The following SLC36A2 variants were observed in gnomAD, a reference collection of about 807,000 sequenced individuals.
SLC36A2 encodes solute carrier family 36 member 2.
SLC36A2 carries 39 observed loss-of-function variants against 42.7 expected under a neutral mutation model. That is an observed-to-expected ratio of 0.91 (90% CI 0.71 to 1.19). The LOEUF (loss-of-function observed/expected upper bound fraction) is 1.19. SLC36A2 is among the 50% of genes most tolerant of loss of function. The probability of loss-of-function intolerance (pLI) is 0.00; values close to 1 mark genes in which losing one functional copy is unlikely to be tolerated. For synonymous variants in SLC36A2, 237 were observed against 240.8 expected (o/e 0.98, Z 0.15); for missense variants, 590 against 613.7 (o/e 0.96, Z 0.41).
intron 5 of SLC36A2, among the ~76,000 whole-genome samples, chr5:151,337,390 CGTT>C (rs1261050082): frequency 1.3e-5 from 2 of 152,176 alleles, no homozygotes; most frequent in African/African-American, 4.8e-5. Context: ...CCTGACCTCA[CGTT>C]GTTGTTGTTA....
chr5:151,324,302 C>G (rs566887861), intron 8 of SLC36A2, among the ~76,000 whole-genome samples: 2 of 147,896 alleles, frequency 1.4e-5, no homozygotes, highest in South Asian at 4.6e-4. Flanking sequence ...GCCACCATGC[C>G]TGGCTTATTT....
rs1254565569 is a variant in SLC36A2, at chr5:151,317,055, A to G, written c.1214T>C (p.Leu405Pro). 1.2e-6 allele frequency: 2 copies of G among 1,614,102 alleles called. No individual in the cohort carries two copies. The highest frequency in any genetic ancestry group is 1.7e-5 in the Admixed American group (1 of 60,014). The change falls in exon 10 of 10, where the codon CTG becomes CCG. Residue 405 changes from leucine (L) to proline (P), a missense_variant. Physicochemically the swap from Leu to Pro is moderately conservative, Grantham distance 98. Transcript: ENST00000335244. ...LLAILIPRLD[L>P]VISLVGSVSG... ...CACGGAGCCCACCAGGGAGATGACC[A>G]GGTCCAGGCGGGGGATGAGGATGGC...
intron 8 of SLC36A2, among the ~76,000 whole-genome samples, chr5:151,324,489 T>C (rs1446422625): frequency 6.6e-6 from 1 of 152,098 alleles, no homozygotes. Flanking sequence ...CCCACCACCA[T>C]GCCCGGCTAA....
At chr5:151,325,474 A>G in intron 7 of SLC36A2, 22 bp from the exon 8 acceptor site, 1 of 1,613,296 alleles carries the variant, frequency 6.2e-7, no homozygotes. Context: ...TCACAATGTA[A>G]GAAGGAGAAA....
chr5:151,344,303 G>A (rs1756433265), intron 1 of SLC36A2, 36 bp from the exon 2 acceptor site: 2 of 1,555,524 alleles, frequency 1.3e-6, no homozygotes, highest in Non-Finnish European at 1.8e-6. Context: ...GTATGGGTGT[G>A]TGGAGGTGAG....
chr5:151,320,407 G>A (rs1580842879), intron 9 of SLC36A2, among the ~76,000 whole-genome samples: 1 of 136,138 alleles, frequency 7.3e-6, no homozygotes, highest in Non-Finnish European at 1.6e-5. Flanking sequence ...AAAAAAAAAA[G>A]AATTTCCTAA....
intron 9 of SLC36A2, 170 bp downstream of exon 9, chr5:151,321,876 C>T: frequency 1.4e-6 from 1 of 717,176 alleles, no homozygotes; most frequent in East Asian, 2.9e-5. Context: ...CAGGGTTTCA[C>T]CATTTTGGCC....
intron 1 of SLC36A2, among the ~76,000 whole-genome samples, 177 bp from the exon 2 acceptor site, chr5:151,344,444 C>T (rs1247688966): frequency 6.6e-6 from 1 of 152,160 alleles, no homozygotes; most frequent in African/African-American, 2.4e-5. Flanking sequence ...CCAGTTTGCC[C>T]AGAACTGTCC....
rs1756048035 is a variant in SLC36A2 at position 151,333,274 on chromosome 5, A to G, written c.793T>C (p.Tyr265His). ...ATGGCTGTTCCGAAGAAGAGAGGGT[A>G]GGTCTTCCAGCTTGCTACCAGTGGC... is the stretch of plus-strand genomic sequence containing the variant. ...RLPLVASWKT[Y>H]PLFFGTAIFS... is the part of the protein sequence containing the mutation. Residue 265 changes from tyrosine (Y) to histidine (H), a missense_variant, in exon 7 of 10, where the codon TAC becomes CAC. Transcript: ENST00000335244. The G allele has an allele frequency of 1.2e-6, 2 of 1,613,984 alleles. No individual in the cohort carries two copies. Among genetic ancestry groups the G allele is most frequent in the Admixed American group, 3.3e-5 (2 of 60,006 alleles).
intron 6 of SLC36A2, among the ~76,000 whole-genome samples, chr5:151,333,993 T>A (rs1756075407): frequency 6.6e-6 from 1 of 152,154 alleles, no homozygotes; most frequent in Admixed American, 6.5e-5. Context: ...GAGCCCAAAG[T>A]ATGAGTTAAA....
At position 151,344,200 on chromosome 5, in the gene SLC36A2, C is replaced by T. The variant is rs201695026; in HGVS notation, c.232G>A (p.Ala78Thr). The change falls in exon 2 of 10, where the codon GCT (alanine) becomes ACT (threonine). Residue 78 changes from alanine (A) to threonine (T), a missense_variant. Ala to Thr is a moderately conservative substitution (Grantham distance 58). Transcript: ENST00000335244. Reference protein sequence around the residue: ...MGTGILGLPLAVKNAGILMGP... With the variant: ...MGTGILGLPLTVKNAGILMGP... Reference sequence around the variant, plus strand: ...ACCAGGATGCCCGCGTTCTTCACAGCGAGGGGTAGTCCCAGGATCCCTGTG... The same window carrying T: ...ACCAGGATGCCCGCGTTCTTCACAGTGAGGGGTAGTCCCAGGATCCCTGTG... 1.2e-4 allele frequency: 200 copies of T among 1,614,026 alleles called. No individual in the cohort carries two copies. The highest frequency in any genetic ancestry group is 9.9e-4 in the Middle Eastern group (6 of 6,084).
chr5:151,342,692 G>A (rs1756381115), intron 4 of SLC36A2, among the ~76,000 whole-genome samples, 196 bp downstream of exon 4: 1 of 152,196 alleles, frequency 6.6e-6, no homozygotes, highest in Non-Finnish European at 1.5e-5. Context: ...GCGTAGCAAA[G>A]GAATGAGTAT....
At chr5:151,332,276 A>C (rs542936561) in intron 7 of SLC36A2, among the ~76,000 whole-genome samples, 1 of 152,348 alleles carries the variant, frequency 6.6e-6, no homozygotes, top group South Asian at 2.1e-4. Context: ...TTGTATCTGG[A>C]ATATATAAAG....
intron 4 of SLC36A2, among the ~76,000 whole-genome samples, chr5:151,342,021 G>T (rs961237120): frequency 6.6e-6 from 1 of 152,192 alleles, no homozygotes; most frequent in African/African-American, 2.4e-5. Context: ...TCATGGATCT[G>T]ACTAAATCTG....
chr5:151,335,008 TG>T (rs1383123997), intron 6 of SLC36A2, among the ~76,000 whole-genome samples: 2 of 152,152 alleles, frequency 1.3e-5, no homozygotes, highest in Non-Finnish European at 2.9e-5. Context: ...TGTTTTCGCC[TG>T]CCTTTTGCTG....
In SLC36A2 at chr5:151,347,371, C is replaced by A; in HGVS notation, c.90G>T (p.Leu30Phe). The change falls in exon 1 of 10, where the codon TTG becomes TTT. Residue 30 changes from leucine to phenylalanine, a missense_variant. By Grantham distance (22) the Leu-to-Phe change is conservative. Coordinates refer to ENST00000335244, the MANE Select transcript of SLC36A2 (RefSeq NM_181776.3). ...LMSPPESAKK[L>F]ENKDSTFLDE... ...CCAAGAATGTAGAGTCCTTGTTCTC[C>A]AACTTCTTGGCACTTTCAGGAGGCG... The A allele has an allele frequency of 6.2e-7, 1 of 1,614,214 alleles. No homozygotes were observed. Among genetic ancestry groups the A allele is most frequent in the African/African-American group, 1.3e-5 (1 of 75,048 alleles).
chr5:151,339,317 C>CCT (rs542801494), intron 4 of SLC36A2, among the ~76,000 whole-genome samples, 173 bp from the exon 5 acceptor site: 14 of 144,970 alleles, frequency 9.7e-5, no homozygotes, highest in Non-Finnish European at 1.8e-4. Context: ...AACAATCGTT[C>CCT]TTTTTTTTTT....
intron 2 of SLC36A2, among the ~76,000 whole-genome samples, chr5:151,343,799 G>A (rs1156832378): frequency 1.3e-5 from 2 of 152,126 alleles, no homozygotes; most frequent in Non-Finnish European, 2.9e-5. Flanking sequence ...AGCACATAAA[G>A]CAATTACAAT....
rs6579855 is a variant in SLC36A2, at chr5:151,343,989, T to A, written c.255+188A>T. ...AGGCCCATAGAGCAGGCAAATGACTTACCAAAGGTACTAAAGTCTGTGGCA... is the reference window on the plus strand; with the variant it reads ...AGGCCCATAGAGCAGGCAAATGACTAACCAAAGGTACTAAAGTCTGTGGCA... On this transcript the variant is annotated intron_variant, in intron 2 of 9. Coordinates refer to ENST00000335244, the MANE Select transcript of SLC36A2 (RefSeq NM_181776.3). Among the ~76,000 whole-genome samples, 9,710 of 152,140 alleles carry A rather than the reference T, an allele frequency of 0.064. 1,013 individuals are homozygous for A. Among genetic ancestry groups the A allele is most frequent in the African/African-American group, 0.22 (9,050 of 41,434 alleles).
Sources: gnomAD v4.1 joint callset for allele counts (sites outside exome capture counted in the v4.1 genomes callset) on GRCh38, gnomAD v4.1.1 for gene constraint, MANE v1.5 for transcripts, NCBI Gene and HGNC (gene_info 2026-07-23, HGNC 2026-07-21) for gene names.